The following REV1 variants were observed in gnomAD, a reference collection of about 807,000 sequenced individuals.
REV1 encodes the protein REV1 DNA directed polymerase.
REV1 carries 42 observed loss-of-function variants against 137.4 expected under a neutral mutation model. That is an observed-to-expected ratio of 0.31 (90% CI 0.24 to 0.40). The LOEUF (loss-of-function observed/expected upper bound fraction) is 0.40. Among genes scored for constraint, REV1 ranks in the 10% least tolerant of loss-of-function variants. The probability of loss-of-function intolerance (pLI) is 1.00; values close to 1 mark genes in which losing one functional copy is unlikely to be tolerated. For missense variants in REV1, 1,282 were observed against 1,490.1 expected (o/e 0.86, Z 2.30); for synonymous variants, 524 against 519.2 (o/e 1.01, Z -0.12).
At chr2:99,407,936 CT>C in intron 15 of REV1, 92 bp downstream of exon 15, 1 of 673,728 alleles carries the variant, frequency 1.5e-6, no homozygotes, top group Non-Finnish European at 2.4e-6. Flanking sequence ...TATAAAGTCC[CT>C]ATACACCAGC....
chr2:99,484,447 A>C (rs954082101), intron 1 of REV1, among the ~76,000 whole-genome samples: 3 of 152,202 alleles, frequency 2.0e-5, no homozygotes, highest in African/African-American at 7.2e-5. Context: ...CTAAATATTT[A>C]CTTGCTACCT....
chr2:99,457,008 C>T (rs1484343607), intron 3 of REV1, among the ~76,000 whole-genome samples: 4 of 152,134 alleles, frequency 2.6e-5, no homozygotes, highest in Non-Finnish European at 5.9e-5. Flanking sequence ...TTGGAAAATG[C>T]CTATTTATCT....
intron 1 of REV1, among the ~76,000 whole-genome samples, chr2:99,472,716 AG>A (rs1178582746): frequency 2.0e-5 from 3 of 152,224 alleles, no homozygotes; most frequent in Non-Finnish European, 4.4e-5. Context: ...AATTGGCAGT[AG>A]TGGGAGGCCA....
At chr2:99,452,398 G>T (rs1032501558) in intron 3 of REV1, among the ~76,000 whole-genome samples, 2 of 149,236 alleles carry the variant, frequency 1.3e-5, no homozygotes, top group East Asian at 3.9e-4. Flanking sequence ...ACTCCAGCCT[G>T]GTTGACAGAG....
intron 3 of REV1, among the ~76,000 whole-genome samples, chr2:99,459,163 G>A (rs915423634): frequency 1.3e-4 from 19 of 151,304 alleles, no homozygotes; most frequent in Non-Finnish European, 2.4e-4. Context: ...AGCCGAGATC[G>A]CGCCACTGCA....
intron 1 of REV1, among the ~76,000 whole-genome samples, chr2:99,487,199 A>T (rs1687244251): frequency 1.3e-5 from 2 of 152,220 alleles, no homozygotes; most frequent in South Asian, 4.1e-4. Flanking sequence ...GGTTGCTGAA[A>T]GTCAGTCACC....
chr2:99,404,907 A>G (rs1481313717), intron 17 of REV1, among the ~76,000 whole-genome samples: 1 of 152,124 alleles, frequency 6.6e-6, no homozygotes, highest in East Asian at 1.9e-4. Flanking sequence ...AAGTGTATAT[A>G]TACTACCAGC....
chr2:99,442,077 C>A (rs1357030431), intron 5 of REV1, among the ~76,000 whole-genome samples: 2 of 151,816 alleles, frequency 1.3e-5, no homozygotes, highest in South Asian at 2.1e-4. Flanking sequence ...GATGGTGAAA[C>A]CCCGTCTCTA....
At position 99,411,910 on chromosome 2, in the gene REV1, A is replaced by G. The variant is rs145387114; in HGVS notation, c.2172+821T>C. Among the ~76,000 whole-genome samples, 203 of 151,982 alleles carry G rather than the reference A, an allele frequency of 1.3e-3. 1 individual carries two copies. The highest frequency in any genetic ancestry group is 4.3e-3 in the East Asian group (22 of 5,164). ...TTAACTCATCACATTTCAAATCCTT[A>G]TGATATGGTGTTGTTTGTACATACA... On this transcript the variant is annotated intron_variant, in intron 13 of 22. Coordinates refer to ENST00000258428, the MANE Select transcript of REV1 (RefSeq NM_016316.4).
chr2:99,459,482 A>G (rs1683927670), intron 3 of REV1, among the ~76,000 whole-genome samples: 1 of 152,146 alleles, frequency 6.6e-6, no homozygotes. Flanking sequence ...GAGGCAGAAG[A>G]ATCGCTTGAG....
chr2:99,449,550 A>G (rs199525904), intron 3 of REV1, 46 bp from the exon 4 acceptor site: 3 of 1,014,074 alleles, frequency 3.0e-6, no homozygotes, highest in Admixed American at 6.0e-5. Context: ...ATGTGTAAGA[A>G]GTAGAACCCT....
At chr2:99,450,635 A>C (rs10210346) in intron 3 of REV1, among the ~76,000 whole-genome samples, 24,661 of 152,184 alleles carry the variant, frequency 0.16, 2,502 homozygotes, top group African/African-American at 0.27. Context: ...AGCACTATTC[A>C]GTAGAAAATA....
At chr2:99,448,867 CTACTTTTAT>C (rs1227113426) in intron 4 of REV1, among the ~76,000 whole-genome samples, 18 of 152,214 alleles carry the variant, frequency 1.2e-4, no homozygotes, top group Non-Finnish European at 2.6e-4. Context: ...CATTAACATG[CTACTTTTAT>C]TAGGATGCCA....
intron 5 of REV1, among the ~76,000 whole-genome samples, chr2:99,441,887 A>G (rs1474383351): frequency 6.6e-6 from 1 of 152,212 alleles, no homozygotes. Flanking sequence ...CATGTTTATT[A>G]TAAGTGAATG....
At chr2:99,408,490 G>A (rs1300038280) in intron 14 of REV1, 1 of 159,380 alleles carries the variant, frequency 6.3e-6, no homozygotes, top group Non-Finnish European at 1.4e-5. Flanking sequence ...TAAACACAAT[G>A]TTCTTGATTC....
chr2:99,448,855 C>T (rs1682555990), intron 4 of REV1, among the ~76,000 whole-genome samples: 1 of 152,170 alleles, frequency 6.6e-6, no homozygotes, highest in Non-Finnish European at 1.5e-5. Flanking sequence ...TCCTGGCAAA[C>T]ACATTAACAT....
rs949048139 is a variant in REV1, at chr2:99,421,496, A to G, written c.1831+3T>C. Reference sequence around the variant, plus strand: ...TTGAGTACAAGATAAGCTAGATACTAACCAATTCCAACAGAGGCAGCACAT... The same window carrying G: ...TTGAGTACAAGATAAGCTAGATACTGACCAATTCCAACAGAGGCAGCACAT... On this transcript the variant is annotated splice_donor_region_variant and intron_variant, in intron 11 of 22. Transcript: ENST00000258428. The G allele has an allele frequency of 4.3e-6, 7 of 1,613,300 alleles. No homozygotes were observed. The highest frequency in any genetic ancestry group is 2.2e-5 in the East Asian group (1 of 44,870).
At chr2:99,451,015 G>C (rs1438511308) in intron 3 of REV1, among the ~76,000 whole-genome samples, 1 of 152,190 alleles carries the variant, frequency 6.6e-6, no homozygotes, top group East Asian at 1.9e-4. Context: ...TACAGCATCA[G>C]AGTGATTTAA....
Position 99,402,447 on chromosome 2 carries a change from A to G in REV1, c.3542-101T>C, listed in dbSNP as rs554660516. The G allele has an allele frequency of 1.9e-4, 151 of 787,434 alleles. 1 individual carries two copies. In the East Asian group the frequency reaches 3.6e-3, roughly 19 times the overall value. The allele number at this position is 787,434 out of a possible 1,614,324, so 48.8% of individuals were successfully genotyped here. On this transcript the variant is annotated intron_variant, in intron 21 of 22. Transcript: ENST00000258428. ...AAAACTGCATTTCTACAACTATGTC[A>G]CTAACAGCTATCAAAGGAATGGGCT...
Sources: allele counts gnomAD v4.1 joint callset (sites outside exome capture counted in the v4.1 genomes callset), GRCh38; gene constraint gnomAD v4.1.1; transcripts MANE v1.5; gene names NCBI Gene and HGNC (gene_info 2026-07-23, HGNC 2026-07-21).